Variants in MAK observed in about 807,000 individuals in gnomAD.
MAK encodes serine/threonine-protein kinase MAK.
Under a neutral mutation model 82.6 loss-of-function variants are expected in MAK, and 65 were observed. The ratio of observed to expected loss-of-function variants is 0.79; its 90% CI spans 0.64 to 0.97. The LOEUF (loss-of-function observed/expected upper bound fraction) is 0.97. MAK is among the 50% of genes least tolerant of loss of function. MAK has a pLI of 0.00. For synonymous variants in MAK, 250 were observed against 274.2 expected (o/e 0.91, Z 0.87); for missense variants, 703 against 780.2 (o/e 0.90, Z 1.18).
intron 6 of MAK, among the ~76,000 whole-genome samples, chr6:10,804,782 A>C (rs753692918): frequency 6.6e-6 from 1 of 152,108 alleles, no homozygotes; most frequent in Admixed American, 6.6e-5. Flanking sequence ...TTCAGTCCAA[A>C]TGTTTGGCAT....
intron 11 of MAK, among the ~76,000 whole-genome samples, chr6:10,782,285 G>A (rs1245001874): frequency 6.6e-6 from 1 of 151,498 alleles, no homozygotes; most frequent in Non-Finnish European, 1.5e-5. Context: ...TATTTAGATC[G>A]CCAAATACCC....
At position 10,795,998 on chromosome 6, in the gene MAK, A is replaced by T; in HGVS notation, c.1143T>A (p.Thr381=). ...LFPSIVKNMP[T]KPNGTLSHKS... is the part of the protein sequence containing the mutation. ...GCAAGTGTCATGACTGGCTACTCAC[A>T]GTTGGCATGTTTTTGACGATGCTCG... The change falls in exon 9 of 15, where the codon ACT becomes ACA. Residue 381 remains threonine, a splice_region_variant and synonymous_variant. Transcript: ENST00000354489. The T allele has an allele frequency of 6.2e-7, 1 of 1,613,706 alleles. No individual in the cohort carries two copies. Among genetic ancestry groups the T allele is most frequent in the Non-Finnish European group, 8.5e-7 (1 of 1,179,616 alleles).
Position 10,809,084 on chromosome 6 carries a change from TTGTC to T in MAK, c.359-146_359-143del, listed in dbSNP as rs1382526100. Reference sequence around the variant, plus strand: ...TTAGGAAAAAAGTAAACCATATTTATTGTCTAAGAAGTAAATGGGGCGTAGGGAC... The same window carrying T: ...TTAGGAAAAAAGTAAACCATATTTATTAAGAAGTAAATGGGGCGTAGGGAC... On this transcript the variant is annotated intron_variant, in intron 5 of 14. Transcript: ENST00000354489. The T allele has an allele frequency of 6.1e-6, 5 of 817,178 alleles. No homozygotes were observed. The East Asian group carries it at 1.1e-4, about 17-fold the overall frequency. The allele number at this position is 817,178 out of a possible 1,614,324, so 50.6% of individuals were successfully genotyped here.
At chr6:10,766,723 C>T (rs1772469283) in intron 14 of MAK, among the ~76,000 whole-genome samples, 1 of 151,968 alleles carries the variant, frequency 6.6e-6, no homozygotes, top group Non-Finnish European at 1.5e-5. Context: ...GGCAATAAGC[C>T]CCGCTTATTC....
Position 10,775,326 on chromosome 6 carries a change from A to G in MAK, c.1597+2T>C. 1 of 1,613,044 alleles carries G rather than the reference A, an allele frequency of 6.2e-7. No homozygotes were observed. Among genetic ancestry groups the G allele is most frequent in the African/African-American group, 1.3e-5 (1 of 75,016 alleles). ...CATGTACATTTTGTATTCTTGCGTTACCTGCATTGCTCCTTTTGAAAGCAA... is the reference window on the plus strand; with the variant it reads ...CATGTACATTTTGTATTCTTGCGTTGCCTGCATTGCTCCTTTTGAAAGCAA... On this transcript the variant is annotated splice_donor_variant, in intron 12 of 14. Coordinates refer to ENST00000354489, the MANE Select transcript of MAK (RefSeq NM_001242957.3). LOFTEE classifies it high-confidence loss of function.
chr6:10,827,785 A>C (rs946540543), intron 2 of MAK: 1 of 152,528 alleles, frequency 6.6e-6, no homozygotes, highest in African/African-American at 2.4e-5. Flanking sequence ...GGGCTCAAGC[A>C]ATCCTCCCAC....
intron 9 of MAK, among the ~76,000 whole-genome samples, chr6:10,792,264 T>C (rs1342877432): frequency 6.6e-6 from 1 of 152,106 alleles, no homozygotes; most frequent in Non-Finnish European, 1.5e-5. Flanking sequence ...CTCTTCCCCC[T>C]CCTTGAATGC....
At chr6:10,823,191 C>T (rs571498492) in intron 2 of MAK, among the ~76,000 whole-genome samples, 1 of 152,196 alleles carries the variant, frequency 6.6e-6, no homozygotes, top group Admixed American at 6.5e-5. Flanking sequence ...GGCCAACTCC[C>T]AAAAGCAGAG....
At chr6:10,770,370 C>T in intron 13 of MAK, 140 bp from the exon 14 acceptor site, 3 of 922,614 alleles carry the variant, frequency 3.3e-6, no homozygotes, top group Non-Finnish European at 5.1e-6. Flanking sequence ...GCACTTGTTA[C>T]AGATATTCTT....
At chr6:10,784,606 G>A (rs879680963) in intron 10 of MAK, 34 bp from the exon 11 acceptor site, 18 of 1,420,290 alleles carry the variant, frequency 1.3e-5, no homozygotes, top group East Asian at 5.6e-5. Flanking sequence ...ATTACAGCAC[G>A]AACAACGAGA....
intron 1 of MAK, among the ~76,000 whole-genome samples, chr6:10,836,050 A>G (rs1430619476): frequency 6.6e-6 from 1 of 152,162 alleles, no homozygotes; most frequent in Non-Finnish European, 1.5e-5. Flanking sequence ...AGCCTAACCA[A>G]TCAACTTCTG....
rs893438035 is a variant in MAK at position 10,770,136 on chromosome 6, T to C, written c.1767A>G (p.Leu589=). 6.2e-7 allele frequency: 1 copy of C among 1,614,194 alleles called. No individual in the cohort carries two copies. Among genetic ancestry groups the C allele is most frequent in the South Asian group, 1.1e-5 (1 of 91,080 alleles). The change falls in exon 14 of 15, where the codon TTA becomes TTG. Residue 589 remains leucine (L), a synonymous_variant. Coordinates refer to ENST00000354489, the MANE Select transcript of MAK (RefSeq NM_001242957.3). ...CTGAAGCCGTTGCATTGAGAGGTGC[T>C]AAGTGGATCCTCTGGCCAGCTGACT... ...EVQSAGQRIH[L]APLNATASEY... is the part of the protein sequence containing the mutation.
intron 5 of MAK, among the ~76,000 whole-genome samples, chr6:10,811,105 T>A (rs535398312): frequency 1.3e-5 from 2 of 152,188 alleles, no homozygotes; most frequent in Non-Finnish European, 2.9e-5. Context: ...TTCAAGCAAT[T>A]CTCCTGCCTC....
Position 10,818,976 on chromosome 6 carries a change from T to C in MAK, c.102-36A>G, listed in dbSNP as rs777258966. On this transcript the variant is annotated intron_variant, in intron 2 of 14. Transcript: ENST00000354489. ...TTAGGGAAAGTTTAGTGTTCAGGGA[T>C]TGAGGATTCAAAGACACACATTACA... 2.5e-6 allele frequency: 3 copies of C among 1,211,650 alleles called. No individual in the cohort carries two copies. The East Asian group carries it at 7.0e-5, about 28-fold the overall frequency. The allele number at this position is 1,211,650 out of a possible 1,614,324, so 75.1% of individuals were successfully genotyped here. A position where few individuals can be genotyped will look rare whatever the true frequency, so the allele number is the denominator to read the frequency against.
Position 10,807,336 on chromosome 6 carries a change from C to CTTT in MAK, c.491+1471_491+1473dup, listed in dbSNP as rs35237927. Among the ~76,000 whole-genome samples, 107 of 73,752 alleles carry CTTT rather than the reference C, an allele frequency of 1.5e-3. 1 individual carries two copies. The highest frequency in any genetic ancestry group is 2.9e-3 in the African/African-American group (51 of 17,354). The allele number at this position is 73,752 out of a possible 152,430, so 48.4% of individuals were successfully genotyped here. The stretch of plus-strand genomic sequence containing the variant: ...ATCAACATCTGATACACATATATTC[C>CTTT]TTTTTTTTTTTTTTTTTTTTTTTTG... On this transcript the variant is annotated intron_variant, in intron 6 of 14. Transcript: ENST00000354489.
chr6:10,824,610 T>C (rs1369586188), intron 2 of MAK, among the ~76,000 whole-genome samples: 1 of 152,136 alleles, frequency 6.6e-6, no homozygotes, highest in Non-Finnish European at 1.5e-5. Context: ...TCCATACAGA[T>C]GGGTGGAGGT....
rs200057744 is a variant in MAK at position 10,784,537 on chromosome 6, G to T, written c.1352C>A (p.Ser451Ter). Residue 451 changes from serine to a stop codon, truncating the protein, a stop_gained, in exon 11 of 15, where the codon TCG becomes TAG. Coordinates refer to ENST00000354489, the MANE Select transcript of MAK (RefSeq NM_001242957.3). LOFTEE classifies it high-confidence loss of function. Reference sequence around the variant, plus strand: ...AGGTAAGCTCTTGTTTTCCCCTGTCGAGTGGTTGGAGCCTGAGGGTACTGG... The same window carrying T: ...AGGTAAGCTCTTGTTTTCCCCTGTCTAGTGGTTGGAGCCTGAGGGTACTGG... Reference protein sequence around the residue: ...PEPVPSGSNHSTGENKSLPAV... With the variant: ...PEPVPSGSNH 17 of 1,614,082 alleles carry T rather than the reference G, an allele frequency of 1.1e-5. No homozygotes were observed. The East Asian group carries it at 3.6e-4, about 34-fold the overall frequency.
chr6:10,831,243 G>A (rs1778792437), intron 1 of MAK, among the ~76,000 whole-genome samples: 1 of 152,032 alleles, frequency 6.6e-6, no homozygotes, highest in Admixed American at 6.6e-5. Flanking sequence ...TTGGCATATT[G>A]TTTAAAACTG....
intron 14 of MAK, among the ~76,000 whole-genome samples, chr6:10,765,044 C>T (rs751678287): frequency 6.6e-5 from 10 of 150,796 alleles, no homozygotes; most frequent in South Asian, 6.3e-4. Flanking sequence ...TGCAGTGAGC[C>T]GAGATCATAC....
Sources: gnomAD v4.1 joint callset for allele counts (sites outside exome capture counted in the v4.1 genomes callset) on GRCh38, gnomAD v4.1.1 for gene constraint, MANE v1.5 for transcripts, NCBI Gene and HGNC (gene_info 2026-07-23, HGNC 2026-07-21) for gene names.